GRM7: variants seen among roughly 807,000 people sequenced by gnomAD.
GRM7 encodes the protein metabotropic glutamate receptor 7.
In GRM7, 35 loss-of-function variants were observed where a neutral mutation model predicts 84.5. The observed-to-expected ratio is 0.41, with a 90% CI of 0.32 to 0.55. GRM7 has a LOEUF of 0.55. GRM7 is among the 20% of genes least tolerant of loss of function. The probability of loss-of-function intolerance (pLI) is 0.19; values close to 1 mark genes in which losing one functional copy is unlikely to be tolerated. For synonymous variants in GRM7, 487 were observed against 455.1 expected (o/e 1.07, Z -0.89); for missense variants, 1,003 against 1,194.6 (o/e 0.84, Z 2.36).
intron 4 of GRM7, among the ~76,000 whole-genome samples, chr3:7,381,867 G>A (rs181161345): frequency 3.3e-5 from 5 of 152,200 alleles, no homozygotes; most frequent in Admixed American, 3.3e-4. Flanking sequence ...CACATTTAAG[G>A]TTACCTAGCT....
At chr3:7,089,837 AATT>A (rs886981573) in intron 1 of GRM7, among the ~76,000 whole-genome samples, 3 of 151,960 alleles carry the variant, frequency 2.0e-5, no homozygotes, top group Non-Finnish European at 4.4e-5. Flanking sequence ...TAAATGATTA[AATT>A]ATTATTATTA....
At chr3:7,709,618 T>C (rs1701511973) in intron 9 of GRM7, among the ~76,000 whole-genome samples, 1 of 152,142 alleles carries the variant, frequency 6.6e-6, no homozygotes, top group South Asian at 2.1e-4. Flanking sequence ...CGTTGTATAT[T>C]TTGGGTTTCC....
intron 9 of GRM7, among the ~76,000 whole-genome samples, chr3:7,732,743 G>A (rs995383568): frequency 1.3e-5 from 2 of 152,124 alleles, no homozygotes; most frequent in Non-Finnish European, 2.9e-5. Context: ...GAACCACACT[G>A]GTACTGGTAC....
chr3:7,055,505 GTA>G (rs1156677824), intron 1 of GRM7, among the ~76,000 whole-genome samples: 1 of 139,936 alleles, frequency 7.1e-6, no homozygotes, highest in African/African-American at 2.8e-5. Flanking sequence ...GTGTGTGTGT[GTA>G]TGTATATATA....
chr3:7,069,314 A>G (rs1171987897), intron 1 of GRM7, among the ~76,000 whole-genome samples: 1 of 151,956 alleles, frequency 6.6e-6, no homozygotes, highest in Non-Finnish European at 1.5e-5. Context: ...AGGGTTACCA[A>G]ACTAGAGCTG....
intron 7 of GRM7, among the ~76,000 whole-genome samples, chr3:7,488,907 A>G (rs1219031533): frequency 1.6e-5 from 2 of 126,500 alleles, no homozygotes; most frequent in African/African-American, 3.0e-5. Flanking sequence ...AGACACTACT[A>G]CATAGACTGT....
At chr3:7,729,869 C>CTTTTTTTTTTT (rs1168461157) in intron 9 of GRM7, among the ~76,000 whole-genome samples, 2 of 69,970 alleles carry the variant, frequency 2.9e-5, no homozygotes, top group Admixed American at 2.4e-4. Context: ...CCACCTCCGG[C>CTTTTTTTTTTT]TTTTTTTTTT....
At chr3:7,393,402 A>G (rs1345611304) in intron 4 of GRM7, among the ~76,000 whole-genome samples, 1 of 152,072 alleles carries the variant, frequency 6.6e-6, no homozygotes, top group African/African-American at 2.4e-5. Flanking sequence ...CATTGCCAAG[A>G]TTGTAAAAGC....
chr3:7,218,467 T>G (rs1575045321), intron 2 of GRM7, among the ~76,000 whole-genome samples: 1 of 152,082 alleles, frequency 6.6e-6, no homozygotes, highest in East Asian at 1.9e-4. Flanking sequence ...AAAATAACTT[T>G]GCCTGTCTGA....
At chr3:7,496,232 C>G (rs547604241) in intron 7 of GRM7, among the ~76,000 whole-genome samples, 2 of 152,104 alleles carry the variant, frequency 1.3e-5, no homozygotes, top group Non-Finnish European at 2.9e-5. Flanking sequence ...CATCATCTAC[C>G]TAGTGAAGAA....
intron 7 of GRM7, among the ~76,000 whole-genome samples, chr3:7,504,016 A>G (rs1699964739): frequency 6.6e-6 from 1 of 152,218 alleles, no homozygotes; most frequent in Non-Finnish European, 1.5e-5. Flanking sequence ...ATATATGAGA[A>G]TATAAACAAA....
At chr3:7,009,002 C>T (rs532428050) in intron 1 of GRM7, among the ~76,000 whole-genome samples, 14 of 152,124 alleles carry the variant, frequency 9.2e-5, no homozygotes, top group East Asian at 5.8e-4. Context: ...AGATCTTCTC[C>T]GAAAAGTTGC....
intron 7 of GRM7, among the ~76,000 whole-genome samples, chr3:7,485,210 GAAGAT>G (rs1699275476): frequency 6.6e-6 from 1 of 152,188 alleles, no homozygotes. Flanking sequence ...GAAAATGAGA[GAAGAT>G]AAGTGCTTGT....
At chr3:7,456,439 AT>A (rs1284012750) in intron 6 of GRM7, among the ~76,000 whole-genome samples, 86 of 109,852 alleles carry the variant, frequency 7.8e-4, no homozygotes, top group African/African-American at 2.6e-3. Context: ...TTAGGATGCT[AT>A]TTTTTTTTCC....
intron 9 of GRM7, among the ~76,000 whole-genome samples, chr3:7,687,652 G>T (rs1287477258): frequency 6.6e-6 from 1 of 152,114 alleles, no homozygotes; most frequent in Admixed American, 6.5e-5. Context: ...ATTGCTTAAT[G>T]ATGTAGACTG....
intron 1 of GRM7, among the ~76,000 whole-genome samples, chr3:6,883,636 T>C (rs538550653): frequency 6.6e-6 from 1 of 152,326 alleles, no homozygotes; most frequent in Non-Finnish European, 1.5e-5. Context: ...TTTATAAAGA[T>C]GGCATTTTAG....
chr3:7,651,256 G>C (rs1698924781), intron 8 of GRM7, among the ~76,000 whole-genome samples: 1 of 152,106 alleles, frequency 6.6e-6, no homozygotes, highest in Admixed American at 6.5e-5. Context: ...GGGAGTGAAG[G>C]GGAATTGCTT....
At chr3:7,737,468 C>A (rs9815064) in intron 9 of GRM7, among the ~76,000 whole-genome samples, 2 of 152,082 alleles carry the variant, frequency 1.3e-5, no homozygotes, top group South Asian at 2.1e-4. Context: ...TGCTTCATTG[C>A]GCAACTATTT....
At chr3:7,501,473 A>G (rs1473200085) in intron 7 of GRM7, among the ~76,000 whole-genome samples, 1 of 152,204 alleles carries the variant, frequency 6.6e-6, no homozygotes, top group Admixed American at 6.5e-5. Flanking sequence ...TGATCATGAC[A>G]TTTAATGGAC....
Sources: gnomAD v4.1 joint callset for allele counts (sites outside exome capture counted in the v4.1 genomes callset) on GRCh38, gnomAD v4.1.1 for gene constraint, MANE v1.5 for transcripts, NCBI Gene and HGNC (gene_info 2026-07-23, HGNC 2026-07-21) for gene names.